Variants in RALGAPA2 observed in about 807,000 individuals in gnomAD.
The protein encoded by RALGAPA2 is Ral GTPase activating protein catalytic subunit alpha 2.
RALGAPA2 carries 139 observed loss-of-function variants against 230.4 expected under a neutral mutation model. The observed-to-expected ratio is 0.60, with a 90% CI of 0.53 to 0.69. RALGAPA2 has a LOEUF of 0.69. Ranked by LOEUF, RALGAPA2 falls within the 30% of genes least tolerant of loss-of-function variation. RALGAPA2 has a pLI of 0.00. For missense variants in RALGAPA2, 2,163 were observed against 2,276.0 expected (o/e 0.95, Z 1.01); for synonymous variants, 847 against 837.8 (o/e 1.01, Z -0.19).
chr20:20,524,018 G>A (rs1602644020), intron 30 of RALGAPA2, among the ~76,000 whole-genome samples: 2 of 152,148 alleles, frequency 1.3e-5, no homozygotes, highest in South Asian at 2.1e-4. Context: ...GTGCAGTGGC[G>A]AGATCTCGGC....
chr20:20,458,576 A>C lies in RALGAPA2; in HGVS notation c.5495+14253T>G, dbSNP rs1367093898. On this transcript the variant is annotated intron_variant, in intron 37 of 39. Coordinates refer to ENST00000202677, the MANE Select transcript of RALGAPA2 (RefSeq NM_020343.4). ...TTTATATATATTATATATATAATATATATACCAATACAATAAGAAATATAT... is the reference window on the plus strand; with the variant it reads ...TTTATATATATTATATATATAATATCTATACCAATACAATAAGAAATATAT... 2.2e-5 allele frequency among the ~76,000 whole-genome samples: 3 copies of C among 137,022 alleles called. No homozygotes were observed. In the East Asian group the frequency reaches 6.2e-4, roughly 28 times the overall value. The allele number at this position is 137,022 out of a possible 152,430, so 89.9% of individuals were successfully genotyped here.
chr20:20,551,542 G>A lies in RALGAPA2; in HGVS notation c.3157-4710C>T, dbSNP rs184299658. Among the ~76,000 whole-genome samples, 386 of 152,292 alleles carry A rather than the reference G, an allele frequency of 2.5e-3. 3 individuals carry two copies. Among genetic ancestry groups the A allele is most frequent in the Non-Finnish European group, 3.7e-3 (252 of 68,028 alleles). On this transcript the variant is annotated intron_variant, in intron 23 of 39. Transcript: ENST00000202677. ...GATTCTGGTTATGAGAAAGTAACTG[G>A]TGAGAACATCTGTCTCTTATCACTG...
At chr20:20,637,609 A>C (rs1197219885) in intron 7 of RALGAPA2, 108 bp from the exon 8 acceptor site, 1 of 946,446 alleles carries the variant, frequency 1.1e-6, no homozygotes. Flanking sequence ...AAATGTAAAA[A>C]ATGACAAATA....
intron 3 of RALGAPA2, among the ~76,000 whole-genome samples, chr20:20,658,100 C>A (rs903171937): frequency 1.3e-5 from 2 of 152,178 alleles, no homozygotes; most frequent in African/African-American, 4.8e-5. Flanking sequence ...ATTATCACCA[C>A]TTCTGGGTAA....
chr20:20,542,358 C>T (rs1392740574), intron 24 of RALGAPA2, among the ~76,000 whole-genome samples: 1 of 152,186 alleles, frequency 6.6e-6, no homozygotes, highest in African/African-American at 2.4e-5. Context: ...AGATTCAATG[C>T]TATTCCCGTC....
intron 23 of RALGAPA2, among the ~76,000 whole-genome samples, chr20:20,556,677 A>T (rs2064092340): frequency 6.6e-6 from 1 of 152,226 alleles, no homozygotes; most frequent in Non-Finnish European, 1.5e-5. Flanking sequence ...AAGTGATAAC[A>T]GTGGAAGCCA....
At chr20:20,413,379 A>G (rs1286196106) in intron 37 of RALGAPA2, among the ~76,000 whole-genome samples, 1 of 152,194 alleles carries the variant, frequency 6.6e-6, no homozygotes, top group East Asian at 1.9e-4. Context: ...ACCGATCTCT[A>G]AATGCAGGCT....
rs1248310043 is a variant in RALGAPA2, at chr20:20,513,203, T to TA, written c.4165dup (p.Tyr1389LeufsTer19). 6.6e-7 allele frequency: 1 copy of TA among 1,523,410 alleles called. No individual in the cohort carries two copies. The highest frequency in any genetic ancestry group is 8.8e-7 in the Non-Finnish European group (1 of 1,139,124). The allele number at this position is 1,523,410 out of a possible 1,614,324, so 94.4% of individuals were successfully genotyped here. A position where few individuals can be genotyped will look rare whatever the true frequency, so the allele number is the denominator to read the frequency against. On this transcript the variant is annotated frameshift_variant, in exon 32 of 40. Coordinates refer to ENST00000202677, the MANE Select transcript of RALGAPA2 (RefSeq NM_020343.4). LOFTEE classifies it high-confidence loss of function. ...TATGGCAGGGCCCCCACTGAGGGGG[T>TA]AGTGCCCCAGGTGGTTCACCAGGTG... is the stretch of plus-strand genomic sequence containing the variant.
chr20:20,557,710 G>T (rs1194986608), intron 23 of RALGAPA2, among the ~76,000 whole-genome samples: 1 of 152,090 alleles, frequency 6.6e-6, no homozygotes, highest in African/African-American at 2.4e-5. Flanking sequence ...AAATAAGTAC[G>T]GAAAACACAA....
Position 20,676,305 on chromosome 20 carries a change from TA to T in RALGAPA2, c.218-18del. Reference sequence around the variant, plus strand: ...TATTATTCCCTGGAATATTAAAAAATAATTAGTTATCATGACATCATTTAAA... The same window carrying T: ...TATTATTCCCTGGAATATTAAAAAATATTAGTTATCATGACATCATTTAAA... On this transcript the variant is annotated intron_variant, in intron 2 of 39. Transcript: ENST00000202677. 1 of 1,519,012 alleles carries T rather than the reference TA, an allele frequency of 6.6e-7. No individual in the cohort carries two copies. Among genetic ancestry groups the T allele is most frequent in the Non-Finnish European group, 9.1e-7 (1 of 1,102,240 alleles). The allele number at this position is 1,519,012 out of a possible 1,614,324, so 94.1% of individuals were successfully genotyped here.
At chr20:20,676,891 C>T (rs76703846) in intron 2 of RALGAPA2, among the ~76,000 whole-genome samples, 248 of 152,270 alleles carry the variant, frequency 1.6e-3, no homozygotes, top group African/African-American at 5.7e-3. Flanking sequence ...GCCTCTCTTA[C>T]AAACACTCAA....
intron 19 of RALGAPA2, among the ~76,000 whole-genome samples, chr20:20,584,507 C>A (rs1309785085): frequency 2.0e-5 from 3 of 152,180 alleles, no homozygotes; most frequent in African/African-American, 7.2e-5. Context: ...ACAACCATTT[C>A]TCTCAAATTG....
intron 36 of RALGAPA2, among the ~76,000 whole-genome samples, chr20:20,474,095 T>G (rs951102071): frequency 1.3e-5 from 2 of 152,228 alleles, no homozygotes; most frequent in African/African-American, 4.8e-5. Context: ...ACTTTATTTT[T>G]GGGAGGGGTC....
At chr20:20,594,644 C>A (rs1388085392) in intron 16 of RALGAPA2, among the ~76,000 whole-genome samples, 1 of 152,024 alleles carries the variant, frequency 6.6e-6, no homozygotes, top group Non-Finnish European at 1.5e-5. Context: ...CTAGTTAGTT[C>A]CAACTACCCA....
At chr20:20,671,820 T>C (rs1568733586) in intron 3 of RALGAPA2, among the ~76,000 whole-genome samples, 2 of 152,178 alleles carry the variant, frequency 1.3e-5, no homozygotes, top group Non-Finnish European at 2.9e-5. Context: ...CTGAAGGGCT[T>C]TCCTGCTGCA....
intron 4 of RALGAPA2, among the ~76,000 whole-genome samples, chr20:20,651,575 C>G (rs934199349): frequency 2.0e-5 from 3 of 152,148 alleles, no homozygotes; most frequent in Non-Finnish European, 4.4e-5. Flanking sequence ...TAAAAAGCTA[C>G]TTGTACCAGC....
chr20:20,436,129 C>T (rs1469567542), intron 37 of RALGAPA2, among the ~76,000 whole-genome samples: 1 of 152,220 alleles, frequency 6.6e-6, no homozygotes, highest in Non-Finnish European at 1.5e-5. Flanking sequence ...ATTTCCCCGT[C>T]TGTCTGCCTA....
intron 37 of RALGAPA2, among the ~76,000 whole-genome samples, chr20:20,415,637 A>G (rs543273522): frequency 6.6e-6 from 1 of 152,328 alleles, no homozygotes; most frequent in East Asian, 1.9e-4. Flanking sequence ...CTGTAGTCCC[A>G]GTGACTCAGG....
At chr20:20,611,720 T>C (rs1164345791) in intron 13 of RALGAPA2, among the ~76,000 whole-genome samples, 1 of 152,198 alleles carries the variant, frequency 6.6e-6, no homozygotes, top group Non-Finnish European at 1.5e-5. Context: ...GATCGTCTTC[T>C]CCAACTGTGC....
Sources: allele counts gnomAD v4.1 joint callset (sites outside exome capture counted in the v4.1 genomes callset), GRCh38; gene constraint gnomAD v4.1.1; transcripts MANE v1.5; gene names NCBI Gene and HGNC (gene_info 2026-07-23, HGNC 2026-07-21).